The following LEMD1 variants were observed in gnomAD, a reference collection of about 807,000 sequenced individuals.
LEMD1 encodes the protein LEM domain-containing protein 1.
In LEMD1, 18 loss-of-function variants were observed where a neutral mutation model predicts 17.4. That is an observed-to-expected ratio of 1.04 (90% confidence interval 0.72 to 1.54). LEMD1 has a LOEUF of 1.54. Ranked by LOEUF, LEMD1 falls within the 40% of genes most tolerant of loss-of-function variation. LEMD1 has a pLI of 0.00. For synonymous variants in LEMD1, 88 were observed against 77.8 expected (o/e 1.13, Z -0.69); for missense variants, 195 against 210.4 (o/e 0.93, Z 0.45).
intron 4 of LEMD1, among the ~76,000 whole-genome samples, chr1:205,400,281 C>T (rs1270112797): frequency 1.3e-5 from 2 of 152,134 alleles, no homozygotes; most frequent in East Asian, 3.9e-4. Context: ...CACTATTGAA[C>T]TCCTGAGCTC....
intron 4 of LEMD1, among the ~76,000 whole-genome samples, chr1:205,400,843 T>TC (rs58251224): frequency 0.38 from 29,124 of 77,546 alleles, 5,482 homozygotes; most frequent in East Asian, 0.77. Context: ...ATGCTATCCC[T>TC]CCCCCCCCCC....
intron 4 of LEMD1, among the ~76,000 whole-genome samples, chr1:205,399,521 TCTTGGTTTCCAAACACCTTGTGAAA>T (rs1267619922): frequency 6.6e-6 from 1 of 152,184 alleles, no homozygotes; most frequent in Non-Finnish European, 1.5e-5. Context: ...AAGGCCTAGA[TCTTGGTTTCCAAACACCTTGTGAAA>T]CACCAAACAT....
intron 4 of LEMD1, among the ~76,000 whole-genome samples, chr1:205,411,177 G>A (rs1665385702): frequency 8.0e-6 from 1 of 125,780 alleles, no homozygotes; most frequent in Non-Finnish European, 1.6e-5. Context: ...AGAGAAAGAA[G>A]GAAAGAAGGA....
chr1:205,424,498 C>A (rs1411510275), upstream of LEMD1, among the ~76,000 whole-genome samples: 2 of 152,066 alleles, frequency 1.3e-5, no homozygotes, highest in East Asian at 3.8e-4. Context: ...GAGGAGACTA[C>A]AAAGATGCAA....
chr1:205,446,593 A>G (rs781641687), intron 1 of LEMD1, among the ~76,000 whole-genome samples: 3 of 152,216 alleles, frequency 2.0e-5, no homozygotes, highest in Non-Finnish European at 4.4e-5. Context: ...AGGGGGCAGG[A>G]AGGTGGCATG....
At chr1:205,401,141 G>C (rs1412861826) in intron 4 of LEMD1, among the ~76,000 whole-genome samples, 1 of 151,028 alleles carries the variant, frequency 6.6e-6, no homozygotes, top group Non-Finnish European at 1.5e-5. Flanking sequence ...ATTGTGAATA[G>C]TGCCGCAATA....
chr1:205,419,540 C>T (rs1665860559), intron 2 of LEMD1, among the ~76,000 whole-genome samples, 188 bp from the exon 3 acceptor site: 1 of 152,216 alleles, frequency 6.6e-6, no homozygotes, highest in Non-Finnish European at 1.5e-5. Context: ...TCTCAGCTCA[C>T]TGAAGCCTCT....
At chr1:205,397,582 C>T (rs1664651199) in intron 4 of LEMD1, among the ~76,000 whole-genome samples, 1 of 152,082 alleles carries the variant, frequency 6.6e-6, no homozygotes, top group Non-Finnish European at 1.5e-5. Flanking sequence ...TAGAGTGAGA[C>T]CCTGTCTCAA....
chr1:205,448,208 G>A lies in LEMD1; in HGVS notation c.-39+1660C>T, dbSNP rs1249322554. 8 of 457,312 alleles carry A rather than the reference G, an allele frequency of 1.7e-5. No individual in the cohort carries two copies. The highest frequency in any genetic ancestry group is 4.8e-5 in the South Asian group (3 of 62,092). The allele number at this position is 457,312 out of a possible 1,614,324, so 28.3% of individuals were successfully genotyped here. On this transcript the variant is annotated intron_variant, in intron 1 of 3. Transcript: ENST00000367154. The surrounding 1 kb of genome is among the most constrained non-coding windows in gnomAD (Gnocchi z 4.7). ...CCCCGATCCCAGGTTACCAGATCCC[G>A]TGATGCCCCACCCCCAAGCAAAGCC...
intron 4 of LEMD1, among the ~76,000 whole-genome samples, chr1:205,404,399 A>C (rs1664993905): frequency 6.6e-6 from 1 of 152,140 alleles, no homozygotes; most frequent in Non-Finnish European, 1.5e-5. Flanking sequence ...TATTGGGTGC[A>C]TATATATTTA....
At chr1:205,440,894 TG>T (rs1473277971) in intron 1 of LEMD1, 1 of 152,334 alleles carries the variant, frequency 6.6e-6, no homozygotes, top group Non-Finnish European at 1.5e-5. Context: ...TGGGACCTGC[TG>T]GGGGCTTGAT....
chr1:205,386,309 C>CTT (rs10645710), intron 4 of LEMD1: 59,052 of 144,468 alleles, frequency 0.41, 12,562 homozygotes, highest in Middle Eastern at 0.48. Flanking sequence ...GTGCCCCCTT[C>CTT]TTTTTTTTTT....
chr1:205,442,569 G>A (rs1331148145), intron 1 of LEMD1, among the ~76,000 whole-genome samples: 1 of 152,162 alleles, frequency 6.6e-6, no homozygotes, highest in Non-Finnish European at 1.5e-5. Context: ...GCCTCTCAGC[G>A]TCCCGGTAAT....
intron 3 of LEMD1, among the ~76,000 whole-genome samples, chr1:205,418,525 C>CT (rs1428869040): frequency 3.3e-5 from 5 of 151,332 alleles, no homozygotes; most frequent in South Asian, 2.1e-4. Flanking sequence ...TCTGGTTCAT[C>CT]TTTTTTTTTA....
intron 4 of LEMD1, among the ~76,000 whole-genome samples, chr1:205,414,385 C>A (rs1665593984): frequency 6.6e-6 from 1 of 151,552 alleles, no homozygotes; most frequent in Non-Finnish European, 1.5e-5. Context: ...GAGTTCGAGA[C>A]CAGCCTGGGC....
rs952009068 is a variant in LEMD1, at chr1:205,382,004, T to C, written c.348-148A>G. 3 of 681,380 alleles carry C rather than the reference T, an allele frequency of 4.4e-6. No homozygotes were observed. In the East Asian group the frequency reaches 7.7e-5, roughly 18 times the overall value. The allele number at this position is 681,380 out of a possible 1,614,324, so 42.2% of individuals were successfully genotyped here. On this transcript the variant is annotated intron_variant, in intron 5 of 5. Coordinates refer to ENST00000367153, the MANE Select transcript of LEMD1 (RefSeq NM_001199050.2). ...TCCTTACTAAAAACCTAGGCTAATTTCTTTTTTTTTCTTTTAAGACAGGAT... is the reference window on the plus strand; with the variant it reads ...TCCTTACTAAAAACCTAGGCTAATTCCTTTTTTTTTCTTTTAAGACAGGAT...
chr1:205,433,439 A>G (rs886486849), intron 1 of LEMD1, among the ~76,000 whole-genome samples: 4 of 152,224 alleles, frequency 2.6e-5, no homozygotes, highest in Non-Finnish European at 1.5e-5. Context: ...CCTGGGCAAC[A>G]GAGCGAGACT....
intron 1 of LEMD1, among the ~76,000 whole-genome samples, chr1:205,446,632 T>A (rs1250795961): frequency 6.6e-6 from 1 of 152,072 alleles, no homozygotes; most frequent in East Asian, 1.9e-4. Context: ...AGTTAGGAGA[T>A]CAGGAGTTAA....
Position 205,384,242 on chromosome 1 carries a change from G to T in LEMD1, c.347+46C>A, listed in dbSNP as rs12070310. The T allele has an allele frequency of 1.4e-3, 1,584 of 1,164,110 alleles. 17 individuals are homozygous for T. In the African/African-American group the frequency reaches 0.023, roughly 17 times the overall value. 72.1% of individuals were successfully genotyped at this position (1,164,110 alleles called of 1,614,324 possible). On this transcript the variant is annotated intron_variant, in intron 5 of 5. Coordinates refer to ENST00000367153, the MANE Select transcript of LEMD1 (RefSeq NM_001199050.2). ...ATAATTAGTTTTTTCCAGAGCTACAGAATACAATAATATCAATTTCCACAT... is the reference window on the plus strand; with the variant it reads ...ATAATTAGTTTTTTCCAGAGCTACATAATACAATAATATCAATTTCCACAT...
Sources: gnomAD v4.1 joint callset for allele counts (sites outside exome capture counted in the v4.1 genomes callset) on GRCh38, gnomAD v4.1.1 for gene constraint, Gnocchi (gnomAD v3.1) non-coding constraint, MANE v1.5 for transcripts, NCBI Gene and HGNC (gene_info 2026-07-23, HGNC 2026-07-21) for gene names.